The following ATXN7L1 variants were observed in gnomAD, a reference collection of about 807,000 sequenced individuals.
ATXN7L1 encodes ataxin-7-like protein 1.
In ATXN7L1, 15 loss-of-function variants were observed where a neutral mutation model predicts 70.8. The observed-to-expected ratio is 0.21, with a 90% confidence interval of 0.14 to 0.33. The LOEUF (loss-of-function observed/expected upper bound fraction) is 0.33, where lower values mean the gene tolerates loss of function less well. ATXN7L1 is among the 10% of genes least tolerant of loss of function. The pLI, the probability that ATXN7L1 is intolerant of heterozygous loss-of-function variation, is 1.00. For synonymous variants in ATXN7L1, 440 were observed against 445.1 expected, an observed-to-expected ratio of 0.99 and a Z score of 0.14; for missense variants, 975 against 1,097.1, an observed-to-expected ratio of 0.89 and a Z score of 1.57.
At chr7:105,619,495 C>CATGCATATATATAT (rs1554388657) in intron 9 of ATXN7L1, among the ~76,000 whole-genome samples, 3 of 27,650 alleles carry the variant, frequency 1.1e-4, no homozygotes, top group Admixed American at 5.6e-4. Flanking sequence ...CAAACAGAAG[C>CATGCATATATATAT]ATATATATAT....
rs141783317 is a variant in ATXN7L1, at chr7:105,694,792, C to G, written c.356-29504G>C. 1.8e-3 allele frequency among the ~76,000 whole-genome samples: 278 copies of G among 152,342 alleles called. 1 individual carries two copies. The highest frequency in any genetic ancestry group is 6.5e-3 in the African/African-American group (272 of 41,564). On this transcript the variant is annotated intron_variant, in intron 3 of 11. Coordinates refer to ENST00000419735, the MANE Select transcript of ATXN7L1 (RefSeq NM_020725.2). ...CTCCTGGCCCGGCCCTCCTTGCTTC[C>G]CTCTATGGCGCTTCCAGAGAAAACA...
At chr7:105,755,341 G>A (rs1009283318) in intron 3 of ATXN7L1, among the ~76,000 whole-genome samples, 5 of 152,210 alleles carry the variant, frequency 3.3e-5, no homozygotes, top group African/African-American at 4.8e-5. Context: ...GAGGAAATGG[G>A]TGCTGGCAGC....
At chr7:105,640,921 A>G (rs918693151) in intron 5 of ATXN7L1, among the ~76,000 whole-genome samples, 5 of 152,256 alleles carry the variant, frequency 3.3e-5, no homozygotes, top group Non-Finnish European at 5.9e-5. Flanking sequence ...AATTGGTGGT[A>G]TCTCCTTAAG....
chr7:105,720,065 T>C (rs551199851), intron 3 of ATXN7L1, among the ~76,000 whole-genome samples: 1 of 152,348 alleles, frequency 6.6e-6, no homozygotes, highest in Non-Finnish European at 1.5e-5. Context: ...GGCATAGTCT[T>C]GGATCTGGAG....
intron 2 of ATXN7L1, 134 bp from the exon 3 acceptor site, chr7:105,788,842 G>A (rs368326978): frequency 4.8e-5 from 34 of 709,182 alleles, no homozygotes; most frequent in East Asian, 2.8e-4. Context: ...CTTTACTAAC[G>A]GGAACTCGGT....
chr7:105,859,748 GA>G (rs758555958), intron 2 of ATXN7L1, among the ~76,000 whole-genome samples: 27 of 151,160 alleles, frequency 1.8e-4, no homozygotes, highest in East Asian at 2.0e-4. Flanking sequence ...CATCATTAAG[GA>G]ATGCATGACT....
rs1211518447 is a variant in ATXN7L1, at chr7:105,797,136, C to T, written c.251-8428G>A. Among the ~76,000 whole-genome samples, 9 of 152,318 alleles carry T rather than the reference C, an allele frequency of 5.9e-5. No individual in the cohort carries two copies. In the East Asian group the frequency reaches 1.2e-3, roughly 20 times the overall value. ...GAGTGAGCGTGCGGGTGCGTGCAGG[C>T]GGCAGCAGCAAAGCTTTTCTTCTTT... On this transcript the variant is annotated intron_variant, in intron 2 of 11. Transcript: ENST00000419735.
chr7:105,775,181 C>T (rs775662460), intron 3 of ATXN7L1, among the ~76,000 whole-genome samples: 3 of 152,178 alleles, frequency 2.0e-5, no homozygotes, highest in African/African-American at 4.8e-5. Flanking sequence ...TTTTCAGAAG[C>T]GCCTGGCCCT....
intron 3 of ATXN7L1, among the ~76,000 whole-genome samples, chr7:105,684,422 A>G (rs1270129582): frequency 6.6e-6 from 1 of 152,230 alleles, no homozygotes; most frequent in Non-Finnish European, 1.5e-5. Flanking sequence ...AAGGGAGAGC[A>G]TTACAGATGG....
chr7:105,647,627 C>T (rs937743567), intron 4 of ATXN7L1, among the ~76,000 whole-genome samples: 1 of 152,222 alleles, frequency 6.6e-6, no homozygotes, highest in Admixed American at 6.5e-5. Context: ...AGCTTGGCAA[C>T]AGAGCGAGAC....
intron 3 of ATXN7L1, among the ~76,000 whole-genome samples, chr7:105,724,573 CAAAAA>C (rs573733959): frequency 3.6e-4 from 29 of 80,456 alleles, no homozygotes; most frequent in African/African-American, 1.1e-3. Context: ...GACTCTGTCT[CAAAAA>C]AAAAAAAAAA....
At chr7:105,823,239 G>A (rs566498063) in intron 2 of ATXN7L1, among the ~76,000 whole-genome samples, 10 of 152,254 alleles carry the variant, frequency 6.6e-5, no homozygotes, top group African/African-American at 1.9e-4. Flanking sequence ...CAAAGTCGAA[G>A]GCTGACATGA....
intron 3 of ATXN7L1, among the ~76,000 whole-genome samples, chr7:105,697,276 C>T (rs1444440280): frequency 6.6e-6 from 1 of 152,128 alleles, no homozygotes; most frequent in Admixed American, 6.5e-5. Context: ...GTCTATCTCA[C>T]CGCTGCAATC....
At chr7:105,709,159 C>G (rs1793558726) in intron 3 of ATXN7L1, among the ~76,000 whole-genome samples, 1 of 152,112 alleles carries the variant, frequency 6.6e-6, no homozygotes, top group South Asian at 2.1e-4. Flanking sequence ...ATGGTGAAAC[C>G]TTGTCTCTAC....
intron 2 of ATXN7L1, among the ~76,000 whole-genome samples, chr7:105,856,893 T>C (rs908428213): frequency 2.0e-5 from 3 of 151,858 alleles, no homozygotes; most frequent in Admixed American, 2.0e-4. Flanking sequence ...AAACAAACAC[T>C]AACACTACCA....
At chr7:105,757,380 G>A (rs1304852028) in intron 3 of ATXN7L1, among the ~76,000 whole-genome samples, 1 of 152,088 alleles carries the variant, frequency 6.6e-6, no homozygotes, top group Admixed American at 6.6e-5. Flanking sequence ...GCAAGATTAG[G>A]TTCTTGCTTT....
At chr7:105,647,726 C>T (rs534433812) in intron 4 of ATXN7L1, among the ~76,000 whole-genome samples, 5 of 152,376 alleles carry the variant, frequency 3.3e-5, no homozygotes, top group Admixed American at 6.5e-5. Flanking sequence ...CTAAAGTCAA[C>T]GTCAGGCTCT....
intron 3 of ATXN7L1, among the ~76,000 whole-genome samples, chr7:105,715,340 T>G (rs1045550539): frequency 2.6e-5 from 4 of 152,256 alleles, no homozygotes; most frequent in African/African-American, 9.6e-5. Flanking sequence ...TCAAGTGAGA[T>G]AACTAGGTAA....
chr7:105,761,108 A>T, intron 3 of ATXN7L1: 1 of 1,095,500 alleles, frequency 9.1e-7, no homozygotes, highest in Non-Finnish European at 1.1e-6. Flanking sequence ...AGGCTTTTGC[A>T]GTTGTCCAGG....
Sources: gnomAD v4.1 joint callset for allele counts (sites outside exome capture counted in the v4.1 genomes callset) on GRCh38, gnomAD v4.1.1 for gene constraint, MANE v1.5 for transcripts, NCBI Gene and HGNC (gene_info 2026-07-23, HGNC 2026-07-21) for gene names.